Variants in EIF3L observed in about 807,000 individuals in gnomAD.
The protein encoded by EIF3L is eukaryotic translation initiation factor 3 subunit L, also known as eIEF associated protein HSPC021.
A neutral mutation model predicts 74.6 loss-of-function variants in EIF3L; 32 were observed. The ratio of observed to expected loss-of-function variants is 0.43; its 90% CI spans 0.32 to 0.58. The LOEUF is 0.58. Among genes scored for constraint, EIF3L ranks in the 20% least tolerant of loss-of-function variants. The pLI, the probability that EIF3L is intolerant of heterozygous loss-of-function variation, is 0.06. For missense variants in EIF3L, 474 were observed against 707.8 expected, an observed-to-expected ratio of 0.67 and a Z score of 3.75; for synonymous variants, 256 against 254.4, an observed-to-expected ratio of 1.01 and a Z score of -0.06.
intron 2 of EIF3L, 104 bp from the exon 3 acceptor site, chr22:37,851,176 A>G (rs1016552544): frequency 6.9e-6 from 6 of 870,198 alleles, no homozygotes; most frequent in South Asian, 3.4e-5. Flanking sequence ...TCAAAAGGGA[A>G]TTTTACGCAG....
intron 7 of EIF3L, among the ~76,000 whole-genome samples, chr22:37,867,430 G>A (rs1926209493): frequency 6.6e-6 from 1 of 151,942 alleles, no homozygotes; most frequent in African/African-American, 2.4e-5. Context: ...AGGCCAAGGC[G>A]GGCAGATCAC....
intron 3 of EIF3L, among the ~76,000 whole-genome samples, chr22:37,853,682 G>C (rs1925348153): frequency 1.3e-5 from 2 of 152,194 alleles, no homozygotes; most frequent in Admixed American, 6.5e-5. Flanking sequence ...GCCAAGCGAA[G>C]TGGAGATTTA....
At chr22:37,853,436 C>G (rs1436285141) in intron 3 of EIF3L, among the ~76,000 whole-genome samples, 1 of 152,152 alleles carries the variant, frequency 6.6e-6, no homozygotes, top group Non-Finnish European at 1.5e-5. Flanking sequence ...TTTCTTTATT[C>G]CCCGGGTCTT....
At position 37,877,982 on chromosome 22, in the gene EIF3L, C is replaced by T; in HGVS notation, c.1386C>T (p.Ser462=). ...QQQAQLSTIR[S]FLKLYTTMPV... is the part of the protein sequence containing the mutation. ...AGGCCCAGCTTTCAACCATCCGCAG[C>T]TTCCTGAAGCTCTACACCACCATGC... The change falls in exon 11 of 13, where the codon AGC becomes AGT. Residue 462 remains serine (S), a synonymous_variant. Coordinates refer to ENST00000652021, the MANE Select transcript of EIF3L (RefSeq NM_016091.4). 1 of 1,612,832 alleles carries T rather than the reference C, an allele frequency of 6.2e-7. No homozygotes were observed. The highest frequency in any genetic ancestry group is 8.5e-7 in the Non-Finnish European group (1 of 1,179,862).
At chr22:37,859,593 A>G (rs1043801473) in intron 5 of EIF3L, among the ~76,000 whole-genome samples, 8 of 151,568 alleles carry the variant, frequency 5.3e-5, no homozygotes, top group Non-Finnish European at 8.8e-5. Flanking sequence ...TGTGTTAGCC[A>G]GGATGGTCTC....
At chr22:37,849,653 G>T in intron 1 of EIF3L, 171 bp downstream of exon 1, 1 of 721,704 alleles carries the variant, frequency 1.4e-6, no homozygotes, top group Non-Finnish European at 2.3e-6. Flanking sequence ...CCCTGGCTCT[G>T]CCCGCCCACT....
At chr22:37,873,812 C>T (rs1025391674) in intron 8 of EIF3L, among the ~76,000 whole-genome samples, 2 of 152,144 alleles carry the variant, frequency 1.3e-5, no homozygotes, top group Admixed American at 1.3e-4. Context: ...ATCCTCCCAT[C>T]TCGGCCTCTC....
chr22:37,869,345 G>T (rs1435130569), intron 7 of EIF3L, among the ~76,000 whole-genome samples: 1 of 152,002 alleles, frequency 6.6e-6, no homozygotes, highest in Non-Finnish European at 1.5e-5. Flanking sequence ...TTCCCAGGCT[G>T]GTCTTGAGCT....
At chr22:37,877,577 C>CA in intron 10 of EIF3L, 97 bp from the exon 11 acceptor site, 1 of 1,424,474 alleles carries the variant, frequency 7.0e-7, no homozygotes, top group South Asian at 1.4e-5. Flanking sequence ...CTGGGTAAGT[C>CA]AAAGATCTGT....
At chr22:37,876,836 T>G (rs763510220) in intron 10 of EIF3L, 1 of 152,120 alleles carries the variant, frequency 6.6e-6, no homozygotes, top group Non-Finnish European at 1.5e-5. Context: ...GTTCAAGAAT[T>G]GGGAGGAGCT....
chr22:37,853,169 A>G (rs1925321241), intron 3 of EIF3L, among the ~76,000 whole-genome samples: 1 of 152,164 alleles, frequency 6.6e-6, no homozygotes. Flanking sequence ...CCTCCTCACA[A>G]GAAAGAATTA....
chr22:37,852,949 C>G (rs1192549544), intron 3 of EIF3L, among the ~76,000 whole-genome samples: 1 of 152,150 alleles, frequency 6.6e-6, no homozygotes, highest in African/African-American at 2.4e-5. Context: ...GCAAATGGAT[C>G]CAAGTCATGC....
intron 3 of EIF3L, among the ~76,000 whole-genome samples, chr22:37,852,702 C>T (rs539459923): frequency 6.6e-6 from 1 of 151,872 alleles, no homozygotes; most frequent in South Asian, 2.1e-4. Context: ...TAGGCCTCAC[C>T]CCTGCCACTC....
chr22:37,854,562 G>GCTCCAAGCGATTCTCCTGC (rs1459628280), intron 3 of EIF3L, among the ~76,000 whole-genome samples: 9 of 152,336 alleles, frequency 5.9e-5, no homozygotes, highest in African/African-American at 2.2e-4. Flanking sequence ...CCGCCTCCTG[G>GCTCCAAGCGATTCTCCTGC]CTCCAAGCGA....
intron 8 of EIF3L, among the ~76,000 whole-genome samples, chr22:37,872,980 CCTT>C (rs1302094000): frequency 2.6e-5 from 4 of 151,928 alleles, no homozygotes; most frequent in African/African-American, 9.7e-5. Context: ...GCCCTTTTTT[CCTT>C]CTTTTTTTAT....
At chr22:37,857,714 A>G (rs1241853907) in intron 4 of EIF3L, among the ~76,000 whole-genome samples, 1 of 151,574 alleles carries the variant, frequency 6.6e-6, no homozygotes, top group African/African-American at 2.4e-5. Context: ...TTGTATTTTT[A>G]GTAGAGATGG....
intron 11 of EIF3L, chr22:37,884,777 C>T (rs2145845235): frequency 6.6e-6 from 1 of 151,942 alleles, no homozygotes; most frequent in East Asian, 1.9e-4. Context: ...GCTGCAGTGA[C>T]CTAAGATCTT....
chr22:37,883,318 A>G (rs1335975832), intron 11 of EIF3L: 2 of 154,688 alleles, frequency 1.3e-5, no homozygotes, highest in African/African-American at 4.9e-5. Flanking sequence ...AAAAAAAAAA[A>G]CTTGCATGAT....
intron 4 of EIF3L, among the ~76,000 whole-genome samples, chr22:37,857,264 G>A (rs1033993272): frequency 2.0e-5 from 3 of 151,036 alleles, no homozygotes; most frequent in Non-Finnish European, 4.4e-5. Flanking sequence ...CAGCTACTCG[G>A]GAGGCTGAGA....
Sources: allele counts gnomAD v4.1 joint callset (sites outside exome capture counted in the v4.1 genomes callset), GRCh38; gene constraint gnomAD v4.1.1; transcripts MANE v1.5; gene names NCBI Gene and HGNC (gene_info 2026-07-23, HGNC 2026-07-21).